CSMD1: variants seen among roughly 807,000 people sequenced by gnomAD.
CSMD1 encodes CUB and sushi domain-containing protein 1.
Under a neutral mutation model 417.5 loss-of-function variants are expected in CSMD1, and 213 were observed. The ratio of observed to expected loss-of-function variants is 0.51; its 90% CI spans 0.46 to 0.57. The LOEUF (loss-of-function observed/expected upper bound fraction) is 0.57. Among genes scored for constraint, CSMD1 ranks in the 20% least tolerant of loss-of-function variants. The pLI is 0.00. For synonymous variants in CSMD1, 2,862 were observed against 1,736.8 expected, an observed-to-expected ratio of 1.65 and a Z score of -16.11; for missense variants, 6,923 against 4,529.7, an observed-to-expected ratio of 1.53 and a Z score of -15.17.
chr8:3,212,019 A>C (rs1377186554), intron 30 of CSMD1, among the ~76,000 whole-genome samples: 1 of 151,992 alleles, frequency 6.6e-6, no homozygotes, highest in South Asian at 2.1e-4. Context: ...AGTGACACCC[A>C]CTTCTTCGTT....
At chr8:3,083,797 C>G (rs991231288) in intron 49 of CSMD1, among the ~76,000 whole-genome samples, 3 of 150,518 alleles carry the variant, frequency 2.0e-5, no homozygotes, top group African/African-American at 7.3e-5. Context: ...GCAGCTGGGA[C>G]TACAGGTGCA....
At chr8:4,025,342 T>G (rs926528219) in intron 4 of CSMD1, among the ~76,000 whole-genome samples, 9 of 152,342 alleles carry the variant, frequency 5.9e-5, no homozygotes, top group Admixed American at 3.9e-4. Context: ...GAATACCTTG[T>G]TTTGCATTTG....
chr8:4,958,922 A>C (rs1809297161), intron 1 of CSMD1, among the ~76,000 whole-genome samples: 1 of 152,184 alleles, frequency 6.6e-6, no homozygotes, highest in Non-Finnish European at 1.5e-5. Context: ...TTTAGAAAAA[A>C]ATATAAGCAG....
rs189474410 is a variant in CSMD1, at chr8:3,706,592, T to C, written c.1009+1822A>G. 2.0e-5 allele frequency among the ~76,000 whole-genome samples: 3 copies of C among 152,286 alleles called. No homozygotes were observed. In the East Asian group the frequency reaches 5.8e-4, roughly 29 times the overall value. On this transcript the variant is annotated intron_variant, in intron 7 of 69. Transcript: ENST00000635120. ...GTTCAGATGAGGACAGAAGAGATATTCTCCTTATTACAAAAGAAAAAAAGC... is the reference window on the plus strand; with the variant it reads ...GTTCAGATGAGGACAGAAGAGATATCCTCCTTATTACAAAAGAAAAAAAGC...
chr8:4,282,383 C>G (rs567910549), intron 3 of CSMD1, among the ~76,000 whole-genome samples: 1 of 152,180 alleles, frequency 6.6e-6, no homozygotes, highest in Non-Finnish European at 1.5e-5. Flanking sequence ...TCTTCATTTT[C>G]TCGGACTCAT....
chr8:4,603,671 G>A (rs1194595705), intron 2 of CSMD1, among the ~76,000 whole-genome samples: 4 of 152,052 alleles, frequency 2.6e-5, no homozygotes, highest in Non-Finnish European at 4.4e-5. Flanking sequence ...GTGGGTTTCT[G>A]TCACATTAAA....
At chr8:3,508,711 T>C (rs534231921) in intron 10 of CSMD1, among the ~76,000 whole-genome samples, 4 of 152,236 alleles carry the variant, frequency 2.6e-5, no homozygotes, top group Non-Finnish European at 4.4e-5. Context: ...TTTTATGTCA[T>C]GAATATTTTA....
chr8:4,793,699 T>C (rs936121624), intron 1 of CSMD1, among the ~76,000 whole-genome samples: 2 of 151,846 alleles, frequency 1.3e-5, no homozygotes, highest in Middle Eastern at 3.4e-3. Flanking sequence ...CATGGAGAGG[T>C]TGGAGGCCAA....
intron 10 of CSMD1, among the ~76,000 whole-genome samples, chr8:3,500,964 G>C (rs1031097582): frequency 6.6e-6 from 1 of 152,096 alleles, no homozygotes; most frequent in Admixed American, 6.5e-5. Flanking sequence ...GATTCAATAA[G>C]TATATAAATG....
At chr8:3,125,992 T>C (rs997669188) in intron 41 of CSMD1, among the ~76,000 whole-genome samples, 3 of 152,022 alleles carry the variant, frequency 2.0e-5, no homozygotes, top group African/African-American at 7.2e-5. Flanking sequence ...AAGAAAAAAG[T>C]TGAATTAGAG....
chr8:3,439,652 A>G (rs1323480133), intron 12 of CSMD1, among the ~76,000 whole-genome samples: 1 of 151,960 alleles, frequency 6.6e-6, no homozygotes. Flanking sequence ...TTTCATTTTG[A>G]TAAGGTAATA....
At chr8:4,880,061 C>G (rs1272023682) in intron 1 of CSMD1, among the ~76,000 whole-genome samples, 1 of 152,042 alleles carries the variant, frequency 6.6e-6, no homozygotes, top group African/African-American at 2.4e-5. Context: ...AATCTCCTAC[C>G]TTTCTGCTGA....
chr8:3,197,666 A>T (rs6558734), intron 33 of CSMD1, among the ~76,000 whole-genome samples: 46 of 144,368 alleles, frequency 3.2e-4, no homozygotes, highest in East Asian at 6.1e-4. Flanking sequence ...GGGTTTCACC[A>T]TGTTAGCCAG....
Position 3,981,957 on chromosome 8 carries a change from T to C in CSMD1, c.818+15946A>G, listed in dbSNP as rs2554724. Among the ~76,000 whole-genome samples the C allele has an allele frequency of 6.4e-3, 971 of 151,700 alleles. 6 individuals are homozygous for C. The highest frequency in any genetic ancestry group is 0.011 in the Non-Finnish European group (749 of 67,948). ...GAGGCCGAGGCAGGTGGATCACAAG[T>C]TCAGGAGATTGAGACCATCCTGGCT... is the stretch of plus-strand genomic sequence containing the variant. On this transcript the variant is annotated intron_variant, in intron 5 of 69. Coordinates refer to ENST00000635120, the MANE Select transcript of CSMD1 (RefSeq NM_033225.6).
rs1365545125 is a variant in CSMD1, at chr8:4,704,398, A to C, written c.86-66840T>G. Among the ~76,000 whole-genome samples the C allele has an allele frequency of 2.0e-5, 3 of 152,160 alleles. 1 individual carries two copies. The highest frequency in any genetic ancestry group is 7.2e-5 in the African/African-American group (3 of 41,454). ...CAGTAAGAATCTCAGTTGTTTATTT[A>C]CTTATCTATTGTTTATGTGGTGTCT... On this transcript the variant is annotated intron_variant, in intron 1 of 69. Transcript: ENST00000635120.
At chr8:3,837,023 T>C (rs1272619133) in intron 5 of CSMD1, among the ~76,000 whole-genome samples, 1 of 152,050 alleles carries the variant, frequency 6.6e-6, no homozygotes, top group African/African-American at 2.4e-5. Context: ...TACTCCCTTC[T>C]TGGTGGCCAG....
intron 10 of CSMD1, among the ~76,000 whole-genome samples, chr8:3,514,541 A>C (rs930472328): frequency 6.6e-6 from 1 of 152,248 alleles, no homozygotes; most frequent in Non-Finnish European, 1.5e-5. Flanking sequence ...ATGTTTCACA[A>C]ATAAATAATA....
intron 2 of CSMD1, among the ~76,000 whole-genome samples, chr8:4,611,504 T>C (rs117865652): frequency 2.6e-5 from 4 of 152,168 alleles, no homozygotes; most frequent in African/African-American, 7.2e-5. Context: ...ATAAAACTTG[T>C]GGATAAAACT....
At chr8:4,213,938 A>C (rs1471964227) in intron 3 of CSMD1, among the ~76,000 whole-genome samples, 1 of 152,250 alleles carries the variant, frequency 6.6e-6, no homozygotes, top group Non-Finnish European at 1.5e-5. Flanking sequence ...ACACTAGCAT[A>C]CGACTATGTA....
Sources: allele counts gnomAD v4.1 joint callset (sites outside exome capture counted in the v4.1 genomes callset), GRCh38; gene constraint gnomAD v4.1.1; transcripts MANE v1.5; gene names NCBI Gene and HGNC (gene_info 2026-07-23, HGNC 2026-07-21).